CENPF: variants seen among roughly 807,000 people sequenced by gnomAD.
CENPF encodes centromere protein F, also known as AH antigen.
In CENPF, 214 loss-of-function variants were observed where a neutral mutation model predicts 307.3. The ratio of observed to expected loss-of-function variants is 0.70; its 90% CI spans 0.62 to 0.78. The LOEUF (loss-of-function observed/expected upper bound fraction) is 0.78. Among genes scored for constraint, CENPF ranks in the 30% least tolerant of loss-of-function variants. The pLI, the probability that CENPF is intolerant of heterozygous loss-of-function variation, is 0.00. For synonymous variants in CENPF, 1,259 were observed against 1,270.6 expected (o/e 0.99, Z 0.19); for missense variants, 3,401 against 3,483.9 (o/e 0.98, Z 0.60).
chr1:214,622,329 C>A (rs377538746), intron 7 of CENPF, 48 bp downstream of exon 7: 2 of 1,405,772 alleles, frequency 1.4e-6, no homozygotes, highest in East Asian at 2.3e-5. Context: ...TCTTTTCATA[C>A]AATTATTTAG....
intron 13 of CENPF, 127 bp from the exon 14 acceptor site, chr1:214,648,548 G>A: frequency 5.9e-6 from 6 of 1,023,562 alleles, no homozygotes; most frequent in Non-Finnish European, 9.2e-6. Flanking sequence ...AGTAAAGGCG[G>A]GATTAGCCAG....
chr1:214,645,686 G>C lies in CENPF; in HGVS notation c.6116G>C (p.Ser2039Thr), dbSNP rs1658274115. ...DKTHLQEKLQ[S>T]LEKDSQALSL... is the part of the protein sequence containing the mutation. ...ACTCATCTCCAGGAAAAGCTGCAGAGTTTGGAAAAGGACTCACAGGCACTG... is the reference window on the plus strand; with the variant it reads ...ACTCATCTCCAGGAAAAGCTGCAGACTTTGGAAAAGGACTCACAGGCACTG... The change falls in exon 13 of 20, where the codon AGT becomes ACT. Residue 2039 changes from serine (S) to threonine (T), a missense_variant. Coordinates refer to ENST00000366955, the MANE Select transcript of CENPF (RefSeq NM_016343.4). 1 of 1,614,168 alleles carries C rather than the reference G, an allele frequency of 6.2e-7. No individual in the cohort carries two copies. Among genetic ancestry groups the C allele is most frequent in the Non-Finnish European group, 8.5e-7 (1 of 1,180,022 alleles).
chr1:214,648,888 A>G, intron 14 of CENPF, 61 bp downstream of exon 14: 2 of 1,533,938 alleles, frequency 1.3e-6, no homozygotes, highest in Non-Finnish European at 1.8e-6. Context: ...CACTCTCCTT[A>G]TTGGTTCCTG....
At chr1:214,626,019 A>G (rs765989477) in intron 7 of CENPF, among the ~76,000 whole-genome samples, 3 of 152,070 alleles carry the variant, frequency 2.0e-5, no homozygotes, top group Admixed American at 6.6e-5. Flanking sequence ...GTGTGTGTGT[A>G]TATATATATA....
rs376676752 is a variant in CENPF at position 214,640,333 on chromosome 1, A to G, written c.1995A>G (p.Val665=). 1.8e-5 allele frequency: 29 copies of G among 1,613,848 alleles called. No homozygotes were observed. The South Asian group carries it at 2.9e-4, about 16-fold the overall frequency. The change falls in exon 12 of 20, where the codon GTA becomes GTG. Residue 665 remains valine, a synonymous_variant. Transcript: ENST00000366955. Reference sequence around the variant, plus strand: ...AAAGTCATGAATACAACGAGAGAGTAAGAACGCTGGAGATGGACAGAGAAA... The same window carrying G: ...AAAGTCATGAATACAACGAGAGAGTGAGAACGCTGGAGATGGACAGAGAAA... ...QIKSHEYNER[V]RTLEMDRENL...
chr1:214,632,456 CTT>C, intron 9 of CENPF, 22 bp from the exon 10 acceptor site: 1 of 1,602,408 alleles, frequency 6.2e-7, no homozygotes. Context: ...GAAAATGAAA[CTT>C]GGTCTCTTTT....
intron 10 of CENPF, 102 bp from the exon 11 acceptor site, chr1:214,637,764 T>C: frequency 3.6e-6 from 4 of 1,117,688 alleles, no homozygotes; most frequent in Non-Finnish European, 5.0e-6. Flanking sequence ...CTTTCCCTAG[T>C]GAGATACACA....
In CENPF at chr1:214,604,490, C is replaced by T. The variant is rs1318763549; in HGVS notation, c.-42+1169C>T. 3.3e-5 allele frequency among the ~76,000 whole-genome samples: 5 copies of T among 152,176 alleles called. No homozygotes were observed. In the East Asian group the frequency reaches 7.7e-4, roughly 23 times the overall value. ...CTCTAATCACAGTTAGCTTGGTCTA[C>T]ATCTATATTGTTCTCTATCTTAGAC... On this transcript the variant is annotated intron_variant, in intron 1 of 19. Coordinates refer to ENST00000366955, the MANE Select transcript of CENPF (RefSeq NM_016343.4).
At chr1:214,607,005 C>A (rs1242012362) in intron 1 of CENPF, among the ~76,000 whole-genome samples, 1 of 151,834 alleles carries the variant, frequency 6.6e-6, no homozygotes, top group African/African-American at 2.4e-5. Context: ...GGCTGTCCCC[C>A]TCCCTGGCCT....
At chr1:214,627,101 C>T (rs1657675337) in intron 7 of CENPF, among the ~76,000 whole-genome samples, 1 of 151,950 alleles carries the variant, frequency 6.6e-6, no homozygotes, top group Non-Finnish European at 1.5e-5. Flanking sequence ...CAGGGTCTCA[C>T]TCTGTCATCC....
At position 214,643,023 on chromosome 1, in the gene CENPF, C is replaced by G. The variant is rs750466890; in HGVS notation, c.4685C>G (p.Ser1562Cys). The stretch of plus-strand genomic sequence containing the variant: ...TCCCTCTGTGAGGTGTACCGGCAGT[C>G]CCTCGAGAAGCTAGAAGAGAAAATG... ...LESLCEVYRQ[S>C]LEKLEEKMES... The change falls in exon 12 of 20, where the codon TCC (serine) becomes TGC (cysteine). Residue 1562 changes from serine to cysteine, a missense_variant. Coordinates refer to ENST00000366955, the MANE Select transcript of CENPF (RefSeq NM_016343.4). 2 of 1,609,270 alleles carry G rather than the reference C, an allele frequency of 1.2e-6. No individual in the cohort carries two copies. The highest frequency in any genetic ancestry group is 3.4e-5 in the Admixed American group (2 of 58,594).
intron 1 of CENPF, chr1:214,613,023 G>T: frequency 3.0e-6 from 1 of 333,132 alleles, no homozygotes; most frequent in Non-Finnish European, 5.7e-6. Context: ...GACATCATTA[G>T]GCACCAAAGC....
rs779478827 is a variant in CENPF, at chr1:214,641,656, G to A, written c.3318G>A (p.Val1106=). The part of the protein sequence containing the change: ...NQNLMLELET[V]QQALRSEMTD... ...ATCTGATGCTAGAGTTGGAGACAGT[G>A]CAGCAAGCTCTGAGATCTGAGATGA... Residue 1106 remains valine, a synonymous_variant, in exon 12 of 20, where the codon GTG becomes GTA. Coordinates refer to ENST00000366955, the MANE Select transcript of CENPF (RefSeq NM_016343.4). The A allele has an allele frequency of 5.1e-6, 8 of 1,581,996 alleles. No individual in the cohort carries two copies. In the Admixed American group the frequency reaches 1.5e-4, roughly 30 times the overall value.
At position 214,646,532 on chromosome 1, in the gene CENPF, TACA is replaced by T; in HGVS notation, c.6968_6970del (p.Gln2323del). On this transcript the variant is annotated inframe_deletion, in exon 13 of 20. Transcript: ENST00000366955. ...GATGAAAAGAAGCAGCTCTGTGTCTTACAACAACTGAAGGAAAGTGAGCATCAT... is the reference window on the plus strand; with the variant it reads ...GATGAAAAGAAGCAGCTCTGTGTCTTACAACTGAAGGAAAGTGAGCATCAT... 6.2e-7 allele frequency: 1 copy of T among 1,614,120 alleles called. No individual in the cohort carries two copies. The highest frequency in any genetic ancestry group is 2.2e-5 in the East Asian group (1 of 44,852).
chr1:214,643,745 C>T (rs1658202674), intron 12 of CENPF, among the ~76,000 whole-genome samples: 2 of 152,098 alleles, frequency 1.3e-5, no homozygotes, highest in South Asian at 2.1e-4. Flanking sequence ...ATGGCATTAT[C>T]GTCATGAAAC....
chr1:214,629,142 A>AC lies in CENPF; in HGVS notation c.1165_1166insC (p.Ile389ThrfsTer2). 1 of 1,608,764 alleles carries AC rather than the reference A, an allele frequency of 6.2e-7. No individual in the cohort carries two copies. The highest frequency in any genetic ancestry group is 8.5e-7 in the Non-Finnish European group (1 of 1,178,606). Reference sequence around the variant, plus strand: ...TGCCAGATGTTCTCTGGAACAGAAAATTAAGGAAAAAGAAAAGGAGTTTCA... The same window carrying AC: ...TGCCAGATGTTCTCTGGAACAGAAAACTTAAGGAAAAAGAAAAGGAGTTTCA... On this transcript the variant is annotated frameshift_variant, in exon 8 of 20. Coordinates refer to ENST00000366955, the MANE Select transcript of CENPF (RefSeq NM_016343.4). LOFTEE classifies it high-confidence loss of function.
intron 10 of CENPF, among the ~76,000 whole-genome samples, chr1:214,636,183 G>A (rs1040426873): frequency 6.6e-6 from 1 of 152,168 alleles, no homozygotes; most frequent in Admixed American, 6.5e-5. Context: ...CCCTGTCAAA[G>A]TGCTTTAAGA....
At chr1:214,612,967 G>A in intron 1 of CENPF, 2 of 278,854 alleles carry the variant, frequency 7.2e-6, no homozygotes, top group East Asian at 9.1e-5. Flanking sequence ...ATTAACTGCT[G>A]TAACCCTGTC....
intron 1 of CENPF, among the ~76,000 whole-genome samples, chr1:214,612,127 C>T (rs1031020557): frequency 6.6e-6 from 1 of 152,048 alleles, no homozygotes; most frequent in Non-Finnish European, 1.5e-5. Flanking sequence ...ATAGATGGCT[C>T]TTATTATTTT....
Sources: allele counts gnomAD v4.1 joint callset (sites outside exome capture counted in the v4.1 genomes callset), GRCh38; gene constraint gnomAD v4.1.1; transcripts MANE v1.5; gene names NCBI Gene and HGNC (gene_info 2026-07-23, HGNC 2026-07-21).